Variants in FAM135B observed in about 807,000 individuals in gnomAD.
The protein encoded by FAM135B is family with sequence similarity 135 member B.
Under a neutral mutation model 127.7 loss-of-function variants are expected in FAM135B, and 43 were observed. The observed-to-expected ratio is 0.34, with a 90% CI of 0.26 to 0.43. FAM135B has a LOEUF of 0.43. Among genes scored for constraint, FAM135B ranks in the 20% least tolerant of loss-of-function variants. The pLI is 1.00. For missense variants in FAM135B, 1,558 were observed against 1,725.6 expected, an observed-to-expected ratio of 0.90 and a Z score of 1.72; for synonymous variants, 670 against 665.1, an observed-to-expected ratio of 1.01 and a Z score of -0.11.
chr8:138,491,423 C>G (rs1815194993), intron 1 of FAM135B, among the ~76,000 whole-genome samples: 1 of 152,182 alleles, frequency 6.6e-6, no homozygotes, highest in South Asian at 2.1e-4. Flanking sequence ...TCTTGGTAGT[C>G]TTGCTATCCA....
intron 2 of FAM135B, among the ~76,000 whole-genome samples, chr8:138,350,973 A>G (rs1459443820): frequency 6.6e-6 from 1 of 152,176 alleles, no homozygotes; most frequent in Non-Finnish European, 1.5e-5. Context: ...TAGGGTGACC[A>G]ACTCAATGCA....
At chr8:138,404,745 T>A (rs1366087274) in intron 1 of FAM135B, among the ~76,000 whole-genome samples, 1 of 152,168 alleles carries the variant, frequency 6.6e-6, no homozygotes, top group Non-Finnish European at 1.5e-5. Context: ...CATCAAAGTT[T>A]TATCATGAGA....
At position 138,250,855 on chromosome 8, in the gene FAM135B, C is replaced by T. The variant is rs1431657126; in HGVS notation, c.528G>A (p.Gln176=). The change falls in exon 6 of 20, where the codon CAG becomes CAA. Residue 176 remains glutamine (Q), a synonymous_variant. Transcript: ENST00000395297. ...VTVHAALVAL[Q]QPLISFTRPG... Reference sequence around the variant, plus strand: ...GAACTTCATACCTGATCAATGGCTGCTGCAGAGCCACCAGGGCAGCATGGA... The same window carrying T: ...GAACTTCATACCTGATCAATGGCTGTTGCAGAGCCACCAGGGCAGCATGGA... 1.2e-6 allele frequency: 2 copies of T among 1,613,810 alleles called. No individual in the cohort carries two copies. The highest frequency in any genetic ancestry group is 1.7e-6 in the Non-Finnish European group (2 of 1,180,004).
intron 7 of FAM135B, among the ~76,000 whole-genome samples, chr8:138,236,901 T>C (rs1407684063): frequency 2.0e-5 from 3 of 152,172 alleles, no homozygotes; most frequent in Non-Finnish European, 2.9e-5. Flanking sequence ...TCACAGATCC[T>C]AGCACACAGT....
intron 18 of FAM135B, 25 bp downstream of exon 18, chr8:138,138,961 T>C (rs2130562213): frequency 7.1e-7 from 1 of 1,399,788 alleles, no homozygotes; most frequent in Non-Finnish European, 1.0e-6. Context: ...AACTCATAAC[T>C]GCAGCTGTGG....
intron 7 of FAM135B, among the ~76,000 whole-genome samples, chr8:138,220,061 TCACACACACACA>T (rs3221962): frequency 6.8e-6 from 1 of 146,410 alleles, no homozygotes; most frequent in African/African-American, 2.5e-5. Flanking sequence ...TTGCCTAAAA[TCACACACACACA>T]CACACACACA....
chr8:138,484,978 C>T (rs924196063), intron 1 of FAM135B, among the ~76,000 whole-genome samples: 7 of 152,248 alleles, frequency 4.6e-5, no homozygotes, highest in South Asian at 2.1e-4. Flanking sequence ...TTAAAATCAA[C>T]GAGGTTTCAC....
intron 1 of FAM135B, among the ~76,000 whole-genome samples, chr8:138,415,894 C>T (rs550805179): frequency 2.0e-5 from 3 of 152,274 alleles, no homozygotes; most frequent in Admixed American, 1.3e-4. Flanking sequence ...ATTGGTTTCA[C>T]GGTGTCTAGA....
chr8:138,212,939 T>TA (rs1036316849), intron 7 of FAM135B, among the ~76,000 whole-genome samples: 10 of 152,120 alleles, frequency 6.6e-5, no homozygotes, highest in East Asian at 1.9e-4. Context: ...TCCGATTTTT[T>TA]AAAAAAAATT....
At chr8:138,209,730 G>A (rs559845730) in intron 7 of FAM135B, among the ~76,000 whole-genome samples, 13 of 152,214 alleles carry the variant, frequency 8.5e-5, no homozygotes, top group African/African-American at 3.1e-4. Context: ...CTGGTTTCTG[G>A]TCCCTCAAAC....
At chr8:138,151,123 A>G in intron 13 of FAM135B, 71 bp downstream of exon 13, 1 of 1,208,804 alleles carries the variant, frequency 8.3e-7, no homozygotes, top group African/African-American at 1.5e-5. Flanking sequence ...AACAGTATGC[A>G]TGAAATGGAG....
At chr8:138,374,021 T>A (rs1389706846) in intron 1 of FAM135B, among the ~76,000 whole-genome samples, 4 of 152,190 alleles carry the variant, frequency 2.6e-5, no homozygotes, top group Non-Finnish European at 5.9e-5. Context: ...TTGTGAAGCA[T>A]GTGATCTTTG....
At chr8:138,274,506 G>C (rs1438204539) in intron 3 of FAM135B, among the ~76,000 whole-genome samples, 1 of 152,180 alleles carries the variant, frequency 6.6e-6, no homozygotes, top group Non-Finnish European at 1.5e-5. Flanking sequence ...TGCTAATGAA[G>C]TTTCAGGCAC....
At chr8:138,163,052 C>G (rs1264720487) in intron 12 of FAM135B, among the ~76,000 whole-genome samples, 1 of 152,126 alleles carries the variant, frequency 6.6e-6, no homozygotes, top group African/African-American at 2.4e-5. Flanking sequence ...AGCAGAAGAT[C>G]TAATTGAAAG....
rs150338291 is a variant in FAM135B, at chr8:138,281,898, C to A, written c.158-16056G>T. Among the ~76,000 whole-genome samples the A allele has an allele frequency of 5.0e-3, 766 of 152,294 alleles. 8 individuals carry two copies. The highest frequency in any genetic ancestry group is 0.018 in the African/African-American group (729 of 41,560). On this transcript the variant is annotated intron_variant, in intron 3 of 19. Transcript: ENST00000395297. Reference sequence around the variant, plus strand: ...CATTAATGGCTCACTGCAGGCTCAACCTCCTGGGCTCAAAGGATCCTCCTG... The same window carrying A: ...CATTAATGGCTCACTGCAGGCTCAAACTCCTGGGCTCAAAGGATCCTCCTG...
At chr8:138,340,755 T>C (rs998571499) in intron 2 of FAM135B, among the ~76,000 whole-genome samples, 1 of 152,126 alleles carries the variant, frequency 6.6e-6, no homozygotes, top group Non-Finnish European at 1.5e-5. Context: ...AGTCAGCCCA[T>C]GCCCCTGAGG....
chr8:138,440,639 G>A (rs1835705885), intron 1 of FAM135B: 1 of 151,628 alleles, frequency 6.6e-6, no homozygotes, highest in Non-Finnish European at 1.5e-5. Flanking sequence ...CTAGGTTACT[G>A]GACACCTTAC....
At chr8:138,276,749 T>C (rs780034813) in intron 3 of FAM135B, among the ~76,000 whole-genome samples, 5 of 152,122 alleles carry the variant, frequency 3.3e-5, no homozygotes, top group Non-Finnish European at 5.9e-5. Context: ...CACACCAGGG[T>C]TGCACTTGCA....
In FAM135B at chr8:138,250,969, A is replaced by T. The variant is rs1821658999; in HGVS notation, c.414T>A (p.Leu138=). The T allele has an allele frequency of 6.2e-7, 1 of 1,613,954 alleles. No individual in the cohort carries two copies. Among genetic ancestry groups the T allele is most frequent in the Non-Finnish European group, 8.5e-7 (1 of 1,180,000 alleles). ...AGAPMVSSRT[L]GLHFHPRNGL... ...CATTCCGGGGGTGGAAGTGCAGGCC[A>T]AGCGTTCGGCTGCTGACCATCGGTG... Residue 138 remains leucine (L), a synonymous_variant, in exon 6 of 20, where the codon CTT becomes CTA. Coordinates refer to ENST00000395297, the MANE Select transcript of FAM135B (RefSeq NM_015912.4).
Sources: allele counts gnomAD v4.1 joint callset (sites outside exome capture counted in the v4.1 genomes callset), GRCh38; gene constraint gnomAD v4.1.1; transcripts MANE v1.5; gene names NCBI Gene and HGNC (gene_info 2026-07-23, HGNC 2026-07-21).